Variants in AP2A2 observed in about 807,000 individuals in gnomAD.
The protein encoded by AP2A2 is AP-2 complex subunit alpha-2.
AP2A2 carries 32 observed loss-of-function variants against 104.2 expected under a neutral mutation model. That is an observed-to-expected ratio of 0.31 (90% CI 0.23 to 0.41). AP2A2 has a LOEUF of 0.41. AP2A2 is among the 10% of genes least tolerant of loss of function. The pLI, the probability that AP2A2 is intolerant of heterozygous loss-of-function variation, is 1.00. For synonymous variants in AP2A2, 539 were observed against 533.3 expected, an observed-to-expected ratio of 1.01 and a Z score of -0.15; for missense variants, 912 against 1,261.0, an observed-to-expected ratio of 0.72 and a Z score of 4.19.
intron 1 of AP2A2, among the ~76,000 whole-genome samples, chr11:939,951 CTTT>C (rs145184268): frequency 0.014 from 1,487 of 105,976 alleles, 4 homozygotes; most frequent in Middle Eastern, 0.029. Flanking sequence ...GTTTTGCTTA[CTTT>C]TTTTTTTTTT....
chr11:944,953 C>T (rs1436553891), intron 1 of AP2A2, among the ~76,000 whole-genome samples: 2 of 152,088 alleles, frequency 1.3e-5, no homozygotes, highest in South Asian at 2.1e-4. Flanking sequence ...GTGGCTCTTA[C>T]TAGAATGCTA....
intron 16 of AP2A2, among the ~76,000 whole-genome samples, chr11:1,006,274 A>G (rs1856201918): frequency 6.6e-6 from 1 of 152,166 alleles, no homozygotes; most frequent in Non-Finnish European, 1.5e-5. Flanking sequence ...GGTGCGCAGG[A>G]GGGGCCGAGG....
intron 2 of AP2A2, among the ~76,000 whole-genome samples, chr11:967,241 G>A (rs530959169): frequency 6.6e-6 from 1 of 152,356 alleles, no homozygotes; most frequent in African/African-American, 2.4e-5. Flanking sequence ...TATCGTCTGT[G>A]AAGTCTGTGT....
chr11:977,310 G>A lies in AP2A2; in HGVS notation c.603+86G>A, dbSNP rs1454833030. The A allele has an allele frequency of 1.7e-5, 25 of 1,486,220 alleles. 1 individual carries two copies. Among genetic ancestry groups the A allele is most frequent in the Middle Eastern group, 1.8e-4 (1 of 5,474 alleles). The allele number at this position is 1,486,220 out of a possible 1,614,324, so 92.1% of individuals were successfully genotyped here. A position where few individuals can be genotyped will look rare whatever the true frequency, so the allele number is the denominator to read the frequency against. On this transcript the variant is annotated intron_variant, in intron 5 of 21. Coordinates refer to ENST00000448903, the MANE Select transcript of AP2A2 (RefSeq NM_012305.4). Reference sequence around the variant, plus strand: ...TGAAGACACCATGGTGCGCCTTCTCGGGATGCCCAGGAGAGGCTGTCACAG... The same window carrying A: ...TGAAGACACCATGGTGCGCCTTCTCAGGATGCCCAGGAGAGGCTGTCACAG...
intron 1 of AP2A2, among the ~76,000 whole-genome samples, chr11:951,695 GC>G (rs900164293): frequency 5.9e-5 from 9 of 152,324 alleles, no homozygotes; most frequent in Admixed American, 4.6e-4. Flanking sequence ...TAAGTTGATA[GC>G]CCAGGGTCAC....
chr11:926,173 G>A (rs1853113751), intron 1 of AP2A2, 85 bp downstream of exon 1: 1 of 974,034 alleles, frequency 1.0e-6, no homozygotes, highest in Non-Finnish European at 1.3e-6. Context: ...GCGGGGCCTC[G>A]AGGCGGGGGT....
rs1002786434 is a variant in AP2A2, at chr11:993,177, A to G, written c.1453-107A>G. The G allele has an allele frequency of 9.9e-6, 8 of 807,942 alleles. No homozygotes were observed. The highest frequency in any genetic ancestry group is 1.5e-5 in the Non-Finnish European group (8 of 528,542). 50.0% of individuals were successfully genotyped at this position (807,942 alleles called of 1,614,324 possible). A position where few individuals can be genotyped will look rare whatever the true frequency, so the allele number is the denominator to read the frequency against. ...GGCACTTGGACTGGGGTCTCCAGGA[A>G]GCTGAGGGGCTGGTGCTGGTGTAGG... On this transcript the variant is annotated intron_variant, in intron 11 of 21. Transcript: ENST00000448903. This position sits in a 1 kb window ranked among gnomAD's most constrained non-coding sequence, Gnocchi z 8.2.
chr11:975,397 A>C (rs960552060), intron 4 of AP2A2, among the ~76,000 whole-genome samples: 9 of 147,466 alleles, frequency 6.1e-5, no homozygotes. Context: ...ATTAGTGAGT[A>C]GCAGTGGGGT....
intron 2 of AP2A2, among the ~76,000 whole-genome samples, chr11:962,872 G>A (rs531558002): frequency 1.1e-3 from 175 of 152,206 alleles, no homozygotes; most frequent in African/African-American, 3.9e-3. Context: ...GAGCACGCGC[G>A]TACCCTGGGT....
At chr11:958,719 C>T (rs1404743331) in intron 1 of AP2A2, among the ~76,000 whole-genome samples, 1 of 152,052 alleles carries the variant, frequency 6.6e-6, no homozygotes, top group Non-Finnish European at 1.5e-5. Context: ...AGTGCTAATC[C>T]CATCATGAGG....
intron 10 of AP2A2, among the ~76,000 whole-genome samples, chr11:990,325 C>G (rs1855602975): frequency 6.6e-6 from 1 of 152,122 alleles, no homozygotes; most frequent in Non-Finnish European, 1.5e-5. Flanking sequence ...GGCAGGTGCT[C>G]GTTGACTGTA....
intron 2 of AP2A2, 63 bp from the exon 3 acceptor site, chr11:970,106 G>GCTCTCCC: frequency 6.3e-7 from 1 of 1,578,100 alleles, no homozygotes; most frequent in Non-Finnish European, 8.7e-7. Context: ...ACTGCCCTCT[G>GCTCTCCC]CTCTCCCCTC....
intron 1 of AP2A2, among the ~76,000 whole-genome samples, chr11:942,804 G>C (rs1052631568): frequency 2.0e-5 from 3 of 152,194 alleles, no homozygotes; most frequent in Non-Finnish European, 4.4e-5. Flanking sequence ...GAGTGTTGCT[G>C]AAAGACCTCT....
At position 940,709 on chromosome 11, in the gene AP2A2, C is replaced by T. The variant is rs116399046; in HGVS notation, c.67+14621C>T. 8.1e-4 allele frequency: 339 copies of T among 420,508 alleles called. 1 individual carries two copies. Among genetic ancestry groups the T allele is most frequent in the African/African-American group, 6.7e-3 (328 of 49,086 alleles). The allele number at this position is 420,508 out of a possible 1,614,324, so 26.0% of individuals were successfully genotyped here. ...TTGTGTAGGTTTGTTTGGTCTCTGG[C>T]CCATGCTGTGAGGTTCTGAGCTCTC... is the stretch of plus-strand genomic sequence containing the variant. On this transcript the variant is annotated intron_variant, in intron 1 of 21. Transcript: ENST00000448903.
At chr11:964,132 A>G (rs1317270630) in intron 2 of AP2A2, among the ~76,000 whole-genome samples, 1 of 152,262 alleles carries the variant, frequency 6.6e-6, no homozygotes. Flanking sequence ...CCCGTAGGGC[A>G]GAGTGAACTG....
intron 10 of AP2A2, among the ~76,000 whole-genome samples, chr11:991,818 C>T (rs900509881): frequency 1.3e-5 from 2 of 151,984 alleles, no homozygotes; most frequent in African/African-American, 4.8e-5. Context: ...GGGAGGTGCG[C>T]GGTCTTGATG....
chr11:1,010,173 C>T, intron 21 of AP2A2: 1 of 470,180 alleles, frequency 2.1e-6, no homozygotes, highest in Non-Finnish European at 3.8e-6. Context: ...CTCTCTGTCA[C>T]CGCGTTGTTC....
chr11:991,711 G>A (rs182418865), intron 10 of AP2A2, among the ~76,000 whole-genome samples: 1 of 151,812 alleles, frequency 6.6e-6, no homozygotes, highest in Admixed American at 6.6e-5. Flanking sequence ...CTTGGGGTGG[G>A]GGGGCACAGT....
intron 1 of AP2A2, among the ~76,000 whole-genome samples, chr11:946,109 C>T (rs896408784): frequency 6.6e-6 from 1 of 152,186 alleles, no homozygotes; most frequent in African/African-American, 2.4e-5. Context: ...CAAAAATGGT[C>T]AAAATCAACT....
Sources: gnomAD v4.1 joint callset for allele counts (sites outside exome capture counted in the v4.1 genomes callset) on GRCh38, gnomAD v4.1.1 for gene constraint, Gnocchi (gnomAD v3.1) non-coding constraint, MANE v1.5 for transcripts, NCBI Gene and HGNC (gene_info 2026-07-23, HGNC 2026-07-21) for gene names.